RBPMS: variants seen among roughly 807,000 people sequenced by gnomAD.
The protein encoded by RBPMS is RNA-binding protein with multiple splicing.
A neutral mutation model predicts 26.8 loss-of-function variants in RBPMS; 7 were observed. The observed-to-expected ratio is 0.26, with a 90% CI of 0.15 to 0.49. The LOEUF (loss-of-function observed/expected upper bound fraction) is 0.49. Among genes scored for constraint, RBPMS ranks in the 20% least tolerant of loss-of-function variants. The pLI, the probability that RBPMS is intolerant of heterozygous loss-of-function variation, is 0.98. For missense variants in RBPMS, 186 were observed against 250.0 expected, an observed-to-expected ratio of 0.74 and a Z score of 1.73; for synonymous variants, 96 against 93.3, an observed-to-expected ratio of 1.03 and a Z score of -0.17.
rs151051237 is a variant in RBPMS at position 30,510,346 on chromosome 8, ACT to A, written c.397+5915_397+5916del. On this transcript the variant is annotated intron_variant, in intron 5 of 8. Transcript: ENST00000397323. ...GAAAGGAAATGTTTATTGAGCAACT[ACT>A]CTCTTTCCTTAAGAATTATATGTAA... is the stretch of plus-strand genomic sequence containing the variant. 9.8e-3 allele frequency among the ~76,000 whole-genome samples: 1,484 copies of A among 151,922 alleles called. 22 individuals carry two copies. Among genetic ancestry groups the A allele is most frequent in the African/African-American group, 0.031 (1,271 of 41,424 alleles).
At chr8:30,556,425 G>A (rs1826922477) in intron 6 of RBPMS, 1 of 985,828 alleles carries the variant, frequency 1.0e-6, no homozygotes, top group Non-Finnish European at 1.2e-6. Flanking sequence ...GAGAGGCTGG[G>A]GCAGGGCTTC....
At chr8:30,474,058 C>T (rs2150825894) in intron 1 of RBPMS, among the ~76,000 whole-genome samples, 1 of 152,080 alleles carries the variant, frequency 6.6e-6, no homozygotes, top group South Asian at 2.1e-4. Context: ...GTAACCTGTA[C>T]ATCCTGCACA....
chr8:30,561,120 A>G (rs758024970), intron 7 of RBPMS, among the ~76,000 whole-genome samples: 2 of 152,166 alleles, frequency 1.3e-5, no homozygotes, highest in Admixed American at 6.5e-5. Context: ...GTTCTTTTAA[A>G]ATGTTTAATT....
rs148970653 is a variant in RBPMS at position 30,551,593 on chromosome 8, C to T, written c.528+6969C>T. 5.6e-4 allele frequency among the ~76,000 whole-genome samples: 86 copies of T among 152,292 alleles called. 2 individuals carry two copies. The highest frequency in any genetic ancestry group is 2.0e-3 in the African/African-American group (83 of 41,552). On this transcript the variant is annotated intron_variant, in intron 6 of 8. Coordinates refer to ENST00000397323, the MANE Select transcript of RBPMS (RefSeq NM_001008710.3). ...AAGGTTAAACTCCCCAGATCCTACG[C>T]GCCTTCTCCCCTGTCCTTAATAGTA...
intron 1 of RBPMS, 138 bp downstream of exon 1, chr8:30,385,296 C>T (rs982901887): frequency 1.5e-5 from 8 of 528,526 alleles, no homozygotes; most frequent in Non-Finnish European, 2.5e-5. Context: ...ACAGTGTGGC[C>T]CGGGGAGGGT....
intron 1 of RBPMS, among the ~76,000 whole-genome samples, chr8:30,461,583 GAC>G (rs1377864464): frequency 6.6e-6 from 1 of 152,134 alleles, no homozygotes; most frequent in African/African-American, 2.4e-5. Context: ...TTTTAGTAGA[GAC>G]AGGGTTTCAC....
chr8:30,544,115 C>T (rs896442129), intron 5 of RBPMS, among the ~76,000 whole-genome samples: 3 of 152,222 alleles, frequency 2.0e-5, no homozygotes, highest in Non-Finnish European at 2.9e-5. Flanking sequence ...AGTGGGTTCT[C>T]ATGGGATGTC....
At chr8:30,507,719 G>A (rs901931762) in intron 5 of RBPMS, among the ~76,000 whole-genome samples, 5 of 152,186 alleles carry the variant, frequency 3.3e-5, no homozygotes, top group Non-Finnish European at 7.3e-5. Context: ...CTCTTAGATT[G>A]TGCATTAGGT....
chr8:30,511,035 G>C (rs1335919437), intron 5 of RBPMS, among the ~76,000 whole-genome samples: 1 of 152,126 alleles, frequency 6.6e-6, no homozygotes, highest in Non-Finnish European at 1.5e-5. Context: ...ATCAAGGCCA[G>C]GCGTGGTGGC....
chr8:30,539,656 C>G (rs934089699), intron 5 of RBPMS, among the ~76,000 whole-genome samples: 2 of 146,794 alleles, frequency 1.4e-5, no homozygotes, highest in Middle Eastern at 3.6e-3. Context: ...GACAGAGTCT[C>G]GCTCTGTCGC....
chr8:30,493,461 T>C (rs1231458416), intron 4 of RBPMS, among the ~76,000 whole-genome samples: 1 of 151,978 alleles, frequency 6.6e-6, no homozygotes, highest in Non-Finnish European at 1.5e-5. Flanking sequence ...TTGGTGTTTG[T>C]GCATTAAGGA....
intron 1 of RBPMS, among the ~76,000 whole-genome samples, chr8:30,436,202 CT>C (rs144953879): frequency 0.24 from 36,814 of 151,828 alleles, 4,911 homozygotes; most frequent in East Asian, 0.43. Context: ...CACTTTCCCC[CT>C]TTTTTTCACT....
At chr8:30,460,156 A>G (rs1198918409) in intron 1 of RBPMS, among the ~76,000 whole-genome samples, 1 of 152,238 alleles carries the variant, frequency 6.6e-6, no homozygotes, top group Non-Finnish European at 1.5e-5. Context: ...AATGTACTGA[A>G]TGTATTCTGA....
At chr8:30,523,129 C>T (rs575385391) in intron 5 of RBPMS, among the ~76,000 whole-genome samples, 21 of 152,134 alleles carry the variant, frequency 1.4e-4, no homozygotes, top group Non-Finnish European at 1.8e-4. Context: ...GTAATCCCAG[C>T]ACTTTGGGAG....
intron 1 of RBPMS, among the ~76,000 whole-genome samples, chr8:30,423,721 C>T (rs1024536142): frequency 6.6e-6 from 1 of 152,058 alleles, no homozygotes; most frequent in African/African-American, 2.4e-5. Context: ...TAAGTAGTCA[C>T]ATGGGTCCCT....
chr8:30,556,231 G>A (rs1479739938), intron 6 of RBPMS: 3 of 985,274 alleles, frequency 3.0e-6, no homozygotes, highest in South Asian at 4.7e-5. Context: ...CATCACTGGC[G>A]TCCTCACTCC....
chr8:30,559,176 A>T (rs1453506930), intron 7 of RBPMS, among the ~76,000 whole-genome samples: 1 of 152,218 alleles, frequency 6.6e-6, no homozygotes, highest in African/African-American at 2.4e-5. Context: ...AGTCTAACTT[A>T]GGAAACCAGT....
At chr8:30,563,290 G>A (rs2151091237) in intron 7 of RBPMS, among the ~76,000 whole-genome samples, 1 of 152,348 alleles carries the variant, frequency 6.6e-6, no homozygotes, top group East Asian at 1.9e-4. Context: ...CCAGAGTTTT[G>A]CTGATGGTTC....
intron 5 of RBPMS, among the ~76,000 whole-genome samples, chr8:30,536,190 C>T (rs545109999): frequency 3.3e-5 from 5 of 150,246 alleles, no homozygotes; most frequent in Admixed American, 1.3e-4. Flanking sequence ...TGCAATGGCA[C>T]GATCTCGGCT....
Sources: gnomAD v4.1 joint callset for allele counts (sites outside exome capture counted in the v4.1 genomes callset) on GRCh38, gnomAD v4.1.1 for gene constraint, MANE v1.5 for transcripts, NCBI Gene and HGNC (gene_info 2026-07-23, HGNC 2026-07-21) for gene names.